Variants in NBAS observed in about 807,000 individuals in gnomAD.
NBAS encodes NAG/BC035112 fusion.
A neutral mutation model predicts 302.5 loss-of-function variants in NBAS; 219 were observed. The ratio of observed to expected loss-of-function variants is 0.72; its 90% CI spans 0.65 to 0.81. NBAS has a LOEUF of 0.81. Among genes scored for constraint, NBAS ranks in the 30% least tolerant of loss-of-function variants. The pLI is 0.00. For missense variants in NBAS, 2,932 were observed against 2,841.6 expected (o/e 1.03, Z -0.72); for synonymous variants, 1,118 against 1,021.6 (o/e 1.09, Z -1.80).
chr2:15,279,326 G>A (rs956727732), intron 42 of NBAS, among the ~76,000 whole-genome samples: 2 of 152,116 alleles, frequency 1.3e-5, no homozygotes, highest in Admixed American at 6.5e-5. Flanking sequence ...GTCCAGATCT[G>A]TCTGGACTCA....
Position 15,534,563 on chromosome 2 carries a change from A to G in NBAS, c.726T>C (p.Ala242=). ...SSHYPHGINT[A]IYHPGHRLLL... ...CTTACCTGTGACCAGGGTGGTAAATAGCTGTGTTGATTCCATGAGGATAAT... is the reference window on the plus strand; with the variant it reads ...CTTACCTGTGACCAGGGTGGTAAATGGCTGTGTTGATTCCATGAGGATAAT... Residue 242 remains alanine, a synonymous_variant, in exon 9 of 52, where the codon GCT becomes GCC. Coordinates refer to ENST00000281513, the MANE Select transcript of NBAS (RefSeq NM_015909.4). 6.2e-7 allele frequency: 1 copy of G among 1,611,976 alleles called. No homozygotes were observed. Among genetic ancestry groups the G allele is most frequent in the Non-Finnish European group, 8.5e-7 (1 of 1,178,002 alleles).
At chr2:15,042,974 T>C in the NBAS span, among the ~76,000 whole-genome samples, 1 of 152,178 alleles carries the variant, frequency 6.6e-6, no homozygotes, top group Non-Finnish European at 1.5e-5. Flanking sequence ...CACAACAACA[T>C]TAACAAGCGG....
the NBAS span, among the ~76,000 whole-genome samples, chr2:14,898,028 G>A: frequency 6.6e-6 from 1 of 152,206 alleles, no homozygotes; most frequent in African/African-American, 2.4e-5. Flanking sequence ...GTTTTGGTCT[G>A]CTGAAATTTG....
At chr2:15,088,194 T>C in the NBAS span, among the ~76,000 whole-genome samples, 18 of 152,198 alleles carry the variant, frequency 1.2e-4, no homozygotes, top group Non-Finnish European at 2.2e-4. Context: ...CTCTCACTGG[T>C]GAAGAGCAAA....
intron 16 of NBAS, among the ~76,000 whole-genome samples, chr2:15,470,689 T>A (rs1019245016): frequency 8.5e-5 from 13 of 152,194 alleles, no homozygotes; most frequent in Admixed American, 7.8e-4. Context: ...AAATCTTCCA[T>A]CTCTACCAGA....
chr2:15,299,036 C>T (rs1043445755), intron 40 of NBAS, among the ~76,000 whole-genome samples: 2 of 152,184 alleles, frequency 1.3e-5, no homozygotes, highest in African/African-American at 4.8e-5. Flanking sequence ...AGAGTACACT[C>T]AGACTTCCCT....
the NBAS span, among the ~76,000 whole-genome samples, chr2:14,850,843 G>T: frequency 1.9e-5 from 2 of 106,578 alleles, no homozygotes; most frequent in Admixed American, 8.5e-5. Context: ...GGTACATAAC[G>T]AAATGAAGGC....
chr2:15,429,656 C>T (rs1300632892), intron 21 of NBAS, among the ~76,000 whole-genome samples: 1 of 152,068 alleles, frequency 6.6e-6, no homozygotes, highest in African/African-American at 2.4e-5. Flanking sequence ...GTCAAGGTTC[C>T]CCTCTAGATT....
At chr2:15,138,528 C>A in the NBAS span, among the ~76,000 whole-genome samples, 1 of 152,182 alleles carries the variant, frequency 6.6e-6, no homozygotes, top group Non-Finnish European at 1.5e-5. Flanking sequence ...TCCTTTTATC[C>A]CGGGGAGCAG....
At chr2:15,067,413 G>A in the NBAS span, among the ~76,000 whole-genome samples, 26 of 14,268 alleles carry the variant, frequency 1.8e-3, no homozygotes, top group East Asian at 3.8e-3. Context: ...GGGAGGGGAG[G>A]GGAGAGGAGG....
At chr2:15,546,799 C>T (rs1193207426) in intron 6 of NBAS, among the ~76,000 whole-genome samples, 1 of 152,200 alleles carries the variant, frequency 6.6e-6, no homozygotes, top group Admixed American at 6.5e-5. Context: ...CATGTCAACA[C>T]ACAGAGAAAA....
At chr2:15,401,542 G>C (rs1676152890) in intron 26 of NBAS, among the ~76,000 whole-genome samples, 1 of 152,070 alleles carries the variant, frequency 6.6e-6, no homozygotes, top group African/African-American at 2.4e-5. Context: ...AGGTCTGCTG[G>C]TATTCACCAC....
chr2:15,351,869 TGCACACACAC>T (rs1276414447), intron 35 of NBAS, 113 bp downstream of exon 35: 7 of 644,758 alleles, frequency 1.1e-5, no homozygotes, highest in Non-Finnish European at 1.9e-5. Context: ...GTGGTCTGCA[TGCACACACAC>T]ACACACACAC....
the NBAS span, among the ~76,000 whole-genome samples, chr2:14,893,455 T>A: frequency 6.6e-6 from 1 of 152,216 alleles, no homozygotes; most frequent in Admixed American, 6.5e-5. Context: ...TTTTTGTCTT[T>A]CTTCTATAAA....
chr2:15,434,682 AATTG>A (rs774283383), intron 21 of NBAS, among the ~76,000 whole-genome samples: 12 of 152,220 alleles, frequency 7.9e-5, no homozygotes, highest in Non-Finnish European at 1.2e-4. Flanking sequence ...CTCAACTTAA[AATTG>A]ATTAACTACA....
the NBAS span, among the ~76,000 whole-genome samples, chr2:15,108,737 C>T: frequency 6.6e-6 from 1 of 152,098 alleles, no homozygotes; most frequent in Non-Finnish European, 1.5e-5. Context: ...TGCCTATAGT[C>T]TGTCAGCCTG....
At position 15,435,283 on chromosome 2, in the gene NBAS, C is replaced by A. The variant is rs574633717; in HGVS notation, c.2340-7489G>T. Among the ~76,000 whole-genome samples the A allele has an allele frequency of 1.3e-4, 20 of 152,264 alleles. No homozygotes were observed. In the South Asian group the frequency reaches 4.1e-3, roughly 32 times the overall value. On this transcript the variant is annotated intron_variant, in intron 21 of 51. Transcript: ENST00000281513. ...AGATTATGCCTATGCAGACCCCAAGCCAAAGGAACACTGATTTCTTCATAG... is the reference window on the plus strand; with the variant it reads ...AGATTATGCCTATGCAGACCCCAAGACAAAGGAACACTGATTTCTTCATAG...
At chr2:15,334,980 T>C (rs1672512257) in intron 35 of NBAS, among the ~76,000 whole-genome samples, 1 of 152,192 alleles carries the variant, frequency 6.6e-6, no homozygotes, top group Non-Finnish European at 1.5e-5. Flanking sequence ...TTATACTTTA[T>C]ATGAATGAAA....
chr2:15,393,632 C>CAAATGAAAGCGTATGTCTACAT (rs1675718568), intron 28 of NBAS: 1 of 469,688 alleles, frequency 2.1e-6, no homozygotes, highest in African/African-American at 2.0e-5. Context: ...TATGTCTACA[C>CAAATGAAAGCGTATGTCTACAT]AAACACTTGC....
Sources: gnomAD v4.1 joint callset for allele counts (sites outside exome capture counted in the v4.1 genomes callset) on GRCh38, gnomAD v4.1.1 for gene constraint, MANE v1.5 for transcripts, NCBI Gene and HGNC (gene_info 2026-07-23, HGNC 2026-07-21) for gene names.